FAT4: variants seen among roughly 807,000 people sequenced by gnomAD.
FAT4 encodes the protein protocadherin Fat 4.
Under a neutral mutation model 303.9 loss-of-function variants are expected in FAT4, and 84 were observed. The observed-to-expected ratio is 0.28, with a 90% CI of 0.23 to 0.33. The LOEUF is 0.33. Ranked by LOEUF, FAT4 falls within the 10% of genes least tolerant of loss-of-function variation. The probability of loss-of-function intolerance (pLI) is 1.00; values close to 1 mark genes in which losing one functional copy is unlikely to be tolerated. For missense variants in FAT4, 6,005 were observed against 6,146.8 expected, an observed-to-expected ratio of 0.98 and a Z score of 0.77; for synonymous variants, 2,307 against 2,298.8, an observed-to-expected ratio of 1.00 and a Z score of -0.10.
intron 5 of FAT4, among the ~76,000 whole-genome samples, chr4:125,409,304 T>C (rs138566511): frequency 0.018 from 2,752 of 152,026 alleles, 93 homozygotes; most frequent in African/African-American, 0.063. Flanking sequence ...TTGCCCAGGC[T>C]GGAGTGCAAT....
chr4:125,476,304 A>T lies in FAT4; in HGVS notation c.12299+48A>T, dbSNP rs768017435. ...TTTTTATTATTACTTAAAATTTTTT[A>T]AAATAAACTTTATACCTAAAAATAA... On this transcript the variant is annotated intron_variant, in intron 13 of 17. Coordinates refer to ENST00000394329, the MANE Select transcript of FAT4 (RefSeq NM_001291303.3). 7 of 1,082,652 alleles carry T rather than the reference A, an allele frequency of 6.5e-6. No homozygotes were observed. In the Admixed American group the frequency reaches 1.1e-4, roughly 17 times the overall value. 67.1% of individuals were successfully genotyped at this position (1,082,652 alleles called of 1,614,324 possible). A position where few individuals can be genotyped will look rare whatever the true frequency, so the allele number is the denominator to read the frequency against.
At chr4:125,392,610 A>G (rs887464986) in intron 2 of FAT4, among the ~76,000 whole-genome samples, 5 of 152,128 alleles carry the variant, frequency 3.3e-5, no homozygotes, top group Non-Finnish European at 2.9e-5. Context: ...ATACATACCT[A>G]TTGTCTTTCT....
At chr4:125,340,178 T>C (rs1731728866) in intron 2 of FAT4, among the ~76,000 whole-genome samples, 1 of 152,230 alleles carries the variant, frequency 6.6e-6, no homozygotes, top group African/African-American at 2.4e-5. Context: ...AAATTTTAAA[T>C]TCAAAAAATA....
rs1210685593 is a variant in FAT4, at chr4:125,452,396, A to G, written c.11386A>G (p.Ser3796Gly). 1.9e-6 allele frequency: 3 copies of G among 1,614,182 alleles called. No homozygotes were observed. Among genetic ancestry groups the G allele is most frequent in the East Asian group, 4.5e-5 (2 of 44,876 alleles). The stretch of plus-strand genomic sequence containing the variant: ...CATCAAAGAGATCCTTCTCCGGCAG[A>G]GTGGAGTAAAGGTGGAATCTGTGGA... Reference protein sequence around the residue: ...ESIKEILLRQSGVKVESVDHD... With the variant: ...ESIKEILLRQGGVKVESVDHD... The change falls in exon 10 of 18, where the codon AGT becomes GGT. Residue 3796 changes from serine to glycine, a missense_variant. Physicochemically the swap from Ser to Gly is moderately conservative, Grantham distance 56. Transcript: ENST00000394329.
At chr4:125,389,312 T>C (rs1400790700) in intron 2 of FAT4, among the ~76,000 whole-genome samples, 2 of 152,164 alleles carry the variant, frequency 1.3e-5, no homozygotes, top group Admixed American at 1.3e-4. Context: ...ATATTGTATG[T>C]TACTTCATCA....
chr4:125,440,367 CT>C (rs551843512), intron 8 of FAT4, among the ~76,000 whole-genome samples: 31 of 151,924 alleles, frequency 2.0e-4, no homozygotes, highest in Middle Eastern at 6.8e-3. Flanking sequence ...AGTCCAGTGA[CT>C]TTTCTAAGTC....
chr4:125,465,785 C>T (rs945022430), intron 11 of FAT4, among the ~76,000 whole-genome samples: 8 of 151,946 alleles, frequency 5.3e-5, no homozygotes, highest in African/African-American at 1.9e-4. Flanking sequence ...GGGGCAAAGA[C>T]AAAAAACATT....
intron 2 of FAT4, chr4:125,393,959 G>A: frequency 1.3e-6 from 1 of 780,258 alleles, no homozygotes; most frequent in Non-Finnish European, 2.4e-6. Context: ...TAGTGGCAGT[G>A]GGTGATACCT....
intron 17 of FAT4, among the ~76,000 whole-genome samples, chr4:125,487,901 C>T (rs1020565421): frequency 6.6e-6 from 1 of 152,164 alleles, no homozygotes; most frequent in Non-Finnish European, 1.5e-5. Flanking sequence ...TGTTTTGATG[C>T]TTTGCTTGTC....
In FAT4 at chr4:125,316,980, C is replaced by T. The variant is rs1179594809; in HGVS notation, c.569C>T (p.Thr190Ile). The change falls in exon 2 of 18, where the codon ACC becomes ATC. Residue 190 changes from threonine to isoleucine, a missense_variant. Physicochemically the swap from Thr to Ile is moderately conservative, Grantham distance 89. Transcript: ENST00000394329. This position sits in a 1 kb window ranked among gnomAD's most constrained non-coding sequence, Gnocchi z 5.7. The stretch of plus-strand genomic sequence containing the variant: ...GCGGGGCGCTTCCGTCTGGACATCA[C>T]CCTGAACCCGAGCGGCGAGGGAGCG... ...NEAGRFRLDI[T>I]LNPSGEGAFL... is the part of the protein sequence containing the mutation. 1.9e-6 allele frequency: 3 copies of T among 1,614,010 alleles called. No individual in the cohort carries two copies. The highest frequency in any genetic ancestry group is 2.5e-6 in the Non-Finnish European group (3 of 1,180,038).
intron 8 of FAT4, among the ~76,000 whole-genome samples, chr4:125,442,368 T>G (rs1725690287): frequency 1.3e-5 from 2 of 152,264 alleles, no homozygotes; most frequent in Middle Eastern, 3.4e-3. Context: ...AACCAGGATT[T>G]TTTTTAACCT....
intron 7 of FAT4, among the ~76,000 whole-genome samples, chr4:125,431,086 CAAAG>C (rs1401054360): frequency 2.0e-5 from 3 of 152,090 alleles, no homozygotes; most frequent in Non-Finnish European, 4.4e-5. Flanking sequence ...GGTTTACAGA[CAAAG>C]AAAGAAATCA....
Position 125,321,558 on chromosome 4 carries a change from C to T in FAT4, c.5147C>T (p.Thr1716Ile). The T allele has an allele frequency of 6.2e-7, 1 of 1,611,490 alleles. No homozygotes were observed. The highest frequency in any genetic ancestry group is 8.5e-7 in the Non-Finnish European group (1 of 1,178,756). The change falls in exon 2 of 18, where the codon ACT (threonine) becomes ATT (isoleucine). Residue 1716 changes from threonine (T) to isoleucine (I), a missense_variant. Coordinates refer to ENST00000394329, the MANE Select transcript of FAT4 (RefSeq NM_001291303.3). ...GATGTTTATGCCATAGAAAAATCAA[C>T]TGCTTTTCCCAGAACACAGAGAGCA... ...LVDVYAIEKS[T>I]AFPRTQRAEV...
chr4:125,334,919 G>C (rs1046284232), intron 2 of FAT4, among the ~76,000 whole-genome samples: 5 of 152,012 alleles, frequency 3.3e-5, no homozygotes, highest in South Asian at 2.1e-4. Context: ...GTGTTGCAAC[G>C]CCAGCTTAAT....
chr4:125,455,824 T>G (rs1726258666), intron 10 of FAT4, among the ~76,000 whole-genome samples: 1 of 152,242 alleles, frequency 6.6e-6, no homozygotes, highest in Admixed American at 6.5e-5. Flanking sequence ...GTGTATTGTC[T>G]GAGACTGATC....
In FAT4 at chr4:125,316,552, G is replaced by A. The variant is rs1456423170; in HGVS notation, c.141G>A (p.Gln47=). The A allele has an allele frequency of 1.2e-6, 2 of 1,613,962 alleles. No individual in the cohort carries two copies. Among genetic ancestry groups the A allele is most frequent in the Admixed American group, 3.3e-5 (2 of 60,002 alleles). ...QAWVHGAEPR[Q]VFQVLEEQPP... ...GGGTCCACGGGGCCGAGCCGCGCCA[G>A]GTGTTCCAAGTGCTGGAAGAGCAAC... The change falls in exon 2 of 18, where the codon CAG becomes CAA. Residue 47 remains glutamine, a synonymous_variant. Transcript: ENST00000394329. This position sits in a 1 kb window ranked among gnomAD's most constrained non-coding sequence, Gnocchi z 5.7.
At chr4:125,469,599 T>A (rs1457230583) in intron 12 of FAT4, among the ~76,000 whole-genome samples, 1 of 152,206 alleles carries the variant, frequency 6.6e-6, no homozygotes, top group African/African-American at 2.4e-5. Flanking sequence ...GTAAGTTGTA[T>A]CTTAATAAAC....
chr4:125,404,777 A>G (rs937134685), intron 3 of FAT4, among the ~76,000 whole-genome samples: 1 of 152,004 alleles, frequency 6.6e-6, no homozygotes, highest in African/African-American at 2.4e-5. Context: ...CCCTGCTTCT[A>G]TGTGTTTGAC....
intron 2 of FAT4, among the ~76,000 whole-genome samples, chr4:125,323,198 G>T (rs958876833): frequency 6.6e-6 from 1 of 152,246 alleles, no homozygotes; most frequent in Non-Finnish European, 1.5e-5. Context: ...AGATGCTGTT[G>T]TTTGGTTCAG....
Sources: gnomAD v4.1 joint callset for allele counts (sites outside exome capture counted in the v4.1 genomes callset) on GRCh38, gnomAD v4.1.1 for gene constraint, Gnocchi (gnomAD v3.1) non-coding constraint, MANE v1.5 for transcripts, NCBI Gene and HGNC (gene_info 2026-07-23, HGNC 2026-07-21) for gene names.